Variants in MGMT observed in about 807,000 individuals in gnomAD.
MGMT encodes O-6-methylguanine-DNA methyltransferase.
MGMT carries 14 observed loss-of-function variants against 15.9 expected under a neutral mutation model. The observed-to-expected ratio is 0.88, with a 90% CI of 0.58 to 1.37. The LOEUF is 1.37. Among genes scored for constraint, MGMT ranks in the 40% most tolerant of loss-of-function variants. The probability of loss-of-function intolerance (pLI) is 0.00; values close to 1 mark genes in which losing one functional copy is unlikely to be tolerated. For missense variants in MGMT, 282 were observed against 268.1 expected, an observed-to-expected ratio of 1.05 and a Z score of -0.36; for synonymous variants, 130 against 118.2, an observed-to-expected ratio of 1.10 and a Z score of -0.65.
chr10:129,600,770 G>A (rs1846812288), intron 2 of MGMT, among the ~76,000 whole-genome samples: 1 of 152,178 alleles, frequency 6.6e-6, no homozygotes, highest in South Asian at 2.1e-4. Flanking sequence ...CTCAGATGTG[G>A]CCAGTTTTCC....
intron 2 of MGMT, among the ~76,000 whole-genome samples, chr10:129,673,483 G>A (rs907214650): frequency 2.0e-5 from 3 of 152,028 alleles, no homozygotes; most frequent in South Asian, 2.1e-4. Context: ...TGTCTTCCTC[G>A]CAGTGCCTGC....
chr10:129,474,953 A>C (rs1337235273), intron 1 of MGMT, among the ~76,000 whole-genome samples: 1 of 152,016 alleles, frequency 6.6e-6, no homozygotes, highest in Non-Finnish European at 1.5e-5. Flanking sequence ...TTTTGTAGGT[A>C]CTGGTGAGGG....
chr10:129,735,552 CTATT>C (rs1192360845), intron 3 of MGMT, among the ~76,000 whole-genome samples: 2 of 151,366 alleles, frequency 1.3e-5, no homozygotes, highest in African/African-American at 2.4e-5. Flanking sequence ...TTTTGTGTCT[CTATT>C]TCCTTCAGTT....
At chr10:129,531,785 T>TGGG (rs150290801) in intron 1 of MGMT, among the ~76,000 whole-genome samples, 2 of 76,798 alleles carry the variant, frequency 2.6e-5, no homozygotes, top group African/African-American at 1.2e-4. Flanking sequence ...CTGGTGGGGG[T>TGGG]GGGGGGGGGT....
chr10:129,743,050 C>G (rs1313037110), intron 3 of MGMT, among the ~76,000 whole-genome samples: 11 of 152,222 alleles, frequency 7.2e-5, no homozygotes, highest in African/African-American at 2.4e-4. Context: ...ATCCTACCAC[C>G]TAATCACTGT....
chr10:129,567,573 G>A (rs1846370866), intron 2 of MGMT, among the ~76,000 whole-genome samples: 1 of 152,150 alleles, frequency 6.6e-6, no homozygotes. Context: ...AGGCAGGGAA[G>A]TAGCAACCTT....
intron 2 of MGMT, among the ~76,000 whole-genome samples, chr10:129,595,572 T>A (rs1198428092): frequency 6.6e-6 from 1 of 152,056 alleles, no homozygotes. Context: ...CAGGGTCAGA[T>A]GAAAAGTGTT....
chr10:129,517,144 A>T (rs60901013), intron 1 of MGMT, among the ~76,000 whole-genome samples: 3 of 151,770 alleles, frequency 2.0e-5, no homozygotes, highest in African/African-American at 7.3e-5. Context: ...GAATGGGAGG[A>T]GAGGTCATAG....
chr10:129,707,623 T>C (rs943224323), intron 2 of MGMT, among the ~76,000 whole-genome samples: 3 of 152,140 alleles, frequency 2.0e-5, no homozygotes, highest in African/African-American at 7.2e-5. Flanking sequence ...CTGTAAGTCT[T>C]ACAAAGGGAC....
intron 4 of MGMT, among the ~76,000 whole-genome samples, chr10:129,766,074 T>C (rs1208634903): frequency 6.6e-6 from 1 of 152,094 alleles, no homozygotes; most frequent in African/African-American, 2.4e-5. Flanking sequence ...AAGAAGCAGT[T>C]GGTAGGCAGG....
chr10:129,728,668 G>A (rs191134020), intron 3 of MGMT, among the ~76,000 whole-genome samples: 12 of 152,026 alleles, frequency 7.9e-5, no homozygotes, highest in African/African-American at 1.7e-4. Context: ...GCCACTGCCC[G>A]CCTGCAGGTC....
intron 2 of MGMT, among the ~76,000 whole-genome samples, chr10:129,538,138 T>G (rs1198401313): frequency 6.6e-6 from 1 of 152,226 alleles, no homozygotes; most frequent in African/African-American, 2.4e-5. Flanking sequence ...AAGTTTAACA[T>G]TTTATCATTT....
At chr10:129,715,849 C>T (rs528347051) in intron 3 of MGMT, among the ~76,000 whole-genome samples, 5 of 152,190 alleles carry the variant, frequency 3.3e-5, no homozygotes, top group Non-Finnish European at 7.4e-5. Context: ...TTTTTGCCTG[C>T]AATCCTTATG....
At chr10:129,516,927 A>G (rs1217351496) in intron 1 of MGMT, among the ~76,000 whole-genome samples, 1 of 152,242 alleles carries the variant, frequency 6.6e-6, no homozygotes, top group Non-Finnish European at 1.5e-5. Context: ...ATGCAGCATC[A>G]AAATGTAAAT....
intron 2 of MGMT, among the ~76,000 whole-genome samples, chr10:129,654,801 A>G (rs1176557664): frequency 6.6e-6 from 1 of 152,100 alleles, no homozygotes; most frequent in African/African-American, 2.4e-5. Flanking sequence ...TTGTCATGAC[A>G]CGTGATACCT....
At chr10:129,554,366 GT>G (rs563708812) in intron 2 of MGMT, among the ~76,000 whole-genome samples, 8 of 152,212 alleles carry the variant, frequency 5.3e-5, no homozygotes, top group African/African-American at 1.9e-4. Flanking sequence ...TTTAAAATCA[GT>G]TTTGAATTCT....
At chr10:129,565,553 T>A (rs145183182) in intron 2 of MGMT, among the ~76,000 whole-genome samples, 133 of 152,304 alleles carry the variant, frequency 8.7e-4, no homozygotes, top group African/African-American at 2.4e-3. Context: ...ATTTAGTAGT[T>A]GTTATGCTCC....
At chr10:129,538,855 C>CT (rs1355640772) in intron 2 of MGMT, among the ~76,000 whole-genome samples, 1 of 152,184 alleles carries the variant, frequency 6.6e-6, no homozygotes, top group Non-Finnish European at 1.5e-5. Context: ...AGGCTGGTCT[C>CT]TAACTCCTGA....
chr10:129,549,649 CTG>C (rs1238696440), intron 2 of MGMT, among the ~76,000 whole-genome samples: 1 of 152,140 alleles, frequency 6.6e-6, no homozygotes, highest in Non-Finnish European at 1.5e-5. Context: ...GAAGCGTCAT[CTG>C]TGTTTGCAAG....
Sources: gnomAD v4.1 joint callset for allele counts (sites outside exome capture counted in the v4.1 genomes callset) on GRCh38, gnomAD v4.1.1 for gene constraint, MANE v1.5 for transcripts, NCBI Gene and HGNC (gene_info 2026-07-23, HGNC 2026-07-21) for gene names.